DPP6: variants seen among roughly 807,000 people sequenced by gnomAD.
DPP6 encodes the protein A-type potassium channel modulatory protein DPP6.
DPP6 carries 69 observed loss-of-function variants against 122.6 expected under a neutral mutation model. The ratio of observed to expected loss-of-function variants is 0.56; its 90% CI spans 0.46 to 0.69. The LOEUF (loss-of-function observed/expected upper bound fraction) is 0.69, where lower values mean the gene tolerates loss of function less well. Among genes scored for constraint, DPP6 ranks in the 30% least tolerant of loss-of-function variants. DPP6 has a pLI of 0.00. For missense variants in DPP6, 928 were observed against 1,116.9 expected, an observed-to-expected ratio of 0.83 and a Z score of 2.41; for synonymous variants, 418 against 433.1, an observed-to-expected ratio of 0.97 and a Z score of 0.43.
chr7:153,854,272 G>A, the DPP6 span, among the ~76,000 whole-genome samples: 7 of 152,034 alleles, frequency 4.6e-5, no homozygotes, highest in Admixed American at 2.6e-4. Flanking sequence ...TTTGAAGTCA[G>A]GTAGTGTGAT....
At chr7:154,346,433 A>G (rs1180100205) in intron 1 of DPP6, among the ~76,000 whole-genome samples, 1 of 151,998 alleles carries the variant, frequency 6.6e-6, no homozygotes, top group Non-Finnish European at 1.5e-5. Context: ...CAGCCTCCCA[A>G]GTATCTGGGA....
intron 1 of DPP6, among the ~76,000 whole-genome samples, chr7:153,956,006 G>A (rs1356888195): frequency 4.6e-5 from 7 of 152,212 alleles, no homozygotes; most frequent in African/African-American, 1.4e-4. Flanking sequence ...CTATAAAGGT[G>A]CGTGAGAAGC....
chr7:154,561,479 A>T (rs1830422678), intron 4 of DPP6, among the ~76,000 whole-genome samples: 1 of 152,262 alleles, frequency 6.6e-6, no homozygotes, highest in South Asian at 2.1e-4. Context: ...AAATTGAACA[A>T]CATATTTCTA....
chr7:154,007,381 T>C (rs1352400745), intron 1 of DPP6, among the ~76,000 whole-genome samples: 29 of 152,234 alleles, frequency 1.9e-4, no homozygotes, highest in African/African-American at 6.5e-4. Context: ...GATCAAGCAT[T>C]AAAAATGCAC....
chr7:153,889,971 C>T (rs1046380801), intron 1 of DPP6, among the ~76,000 whole-genome samples: 1 of 152,188 alleles, frequency 6.6e-6, no homozygotes, highest in Non-Finnish European at 1.5e-5. Flanking sequence ...TTAGGACTTA[C>T]CCATGCCTAA....
intron 16 of DPP6, among the ~76,000 whole-genome samples, chr7:154,820,659 A>G (rs73502125): frequency 0.018 from 2,741 of 152,308 alleles, 73 homozygotes; most frequent in African/African-American, 0.063. Flanking sequence ...AACTGGACAA[A>G]GATGAACATT....
At chr7:153,892,544 C>T (rs1327731238) in intron 1 of DPP6, among the ~76,000 whole-genome samples, 17 of 152,134 alleles carry the variant, frequency 1.1e-4, no homozygotes, top group Admixed American at 6.5e-5. Flanking sequence ...AAACTCCTGA[C>T]GTCAGGTGGT....
At chr7:153,773,210 T>G in the DPP6 span, among the ~76,000 whole-genome samples, 2 of 148,206 alleles carry the variant, frequency 1.3e-5, no homozygotes, top group Middle Eastern at 3.6e-3. Context: ...GTCAAAAATT[T>G]TTTTAAAAAA....
chr7:154,830,093 T>A (rs1011849492), intron 16 of DPP6, among the ~76,000 whole-genome samples: 1 of 152,226 alleles, frequency 6.6e-6, no homozygotes, highest in Admixed American at 6.5e-5. Context: ...TGTAAGTATA[T>A]CCTGAGCAAG....
Position 154,625,683 on chromosome 7 carries a change from G to T in DPP6, c.628-12138G>T, listed in dbSNP as rs544328174. 8.5e-5 allele frequency among the ~76,000 whole-genome samples: 13 copies of T among 152,326 alleles called. No individual in the cohort carries two copies. The South Asian group carries it at 2.7e-3, about 32-fold the overall frequency. ...TGACAGGTGAAATACAGCAGGGAAG[G>T]CTGCAAAGAAGCCCCAAGCTGCTGC... On this transcript the variant is annotated intron_variant, in intron 5 of 25. Coordinates refer to ENST00000377770, the MANE Select transcript of DPP6 (RefSeq NM_130797.4).
intron 16 of DPP6, among the ~76,000 whole-genome samples, chr7:154,847,113 C>T (rs559407119): frequency 6.6e-5 from 10 of 152,222 alleles, no homozygotes; most frequent in South Asian, 2.1e-4. Context: ...GAGTGGAGCC[C>T]GCAGGTCATA....
chr7:154,549,258 A>C (rs1829451007), intron 4 of DPP6, among the ~76,000 whole-genome samples: 1 of 152,252 alleles, frequency 6.6e-6, no homozygotes, highest in East Asian at 1.9e-4. Context: ...GGCTTTCATA[A>C]GAAAGTTTAG....
chr7:154,693,106 A>G (rs1259194330), intron 7 of DPP6, among the ~76,000 whole-genome samples: 2 of 23,342 alleles, frequency 8.6e-5, no homozygotes, highest in Non-Finnish European at 3.3e-4. Flanking sequence ...TTATTTTTCT[A>G]CTGACAATTA....
chr7:154,063,599 AGT>A (rs1802416332), intron 1 of DPP6, among the ~76,000 whole-genome samples: 2 of 62,398 alleles, frequency 3.2e-5, no homozygotes, highest in African/African-American at 8.3e-5. Context: ...CCCCCATCGC[AGT>A]GAGGGAGGCA....
At chr7:154,639,421 G>A (rs1835924237) in intron 6 of DPP6, among the ~76,000 whole-genome samples, 1 of 152,184 alleles carries the variant, frequency 6.6e-6, no homozygotes, top group Admixed American at 6.5e-5. Context: ...GGTCATGGCA[G>A]GCAGGACTAT....
chr7:154,616,073 G>A (rs1834232784), intron 5 of DPP6, among the ~76,000 whole-genome samples: 1 of 152,154 alleles, frequency 6.6e-6, no homozygotes, highest in South Asian at 2.1e-4. Context: ...AGAACAGGAG[G>A]CGGCCAGCTC....
chr7:154,393,662 T>C (rs1814826295), intron 1 of DPP6, among the ~76,000 whole-genome samples: 1 of 152,110 alleles, frequency 6.6e-6, no homozygotes, highest in Admixed American at 6.5e-5. Flanking sequence ...CATAAAATTG[T>C]CCATCTTAAC....
chr7:154,743,494 G>A (rs1366657584), intron 8 of DPP6, among the ~76,000 whole-genome samples: 5 of 152,184 alleles, frequency 3.3e-5, no homozygotes, highest in Non-Finnish European at 4.4e-5. Context: ...TCGGAGCGGA[G>A]TGTGTGGTGA....
the DPP6 span, among the ~76,000 whole-genome samples, chr7:153,821,753 A>G: frequency 0.013 from 1,790 of 142,304 alleles, 46 homozygotes; most frequent in African/African-American, 0.045. Context: ...CTACAACCTG[A>G]GTATTTTAAT....
Sources: allele counts gnomAD v4.1 joint callset (sites outside exome capture counted in the v4.1 genomes callset), GRCh38; gene constraint gnomAD v4.1.1; transcripts MANE v1.5; gene names NCBI Gene and HGNC (gene_info 2026-07-23, HGNC 2026-07-21).